Variants in SYNE1 observed in about 807,000 individuals in gnomAD.
SYNE1 encodes the protein spectrin repeat containing nuclear envelope protein 1.
A neutral mutation model predicts 1,111.0 loss-of-function variants in SYNE1; 616 were observed. The ratio of observed to expected loss-of-function variants is 0.55; its 90% confidence interval spans 0.52 to 0.59. SYNE1 has a LOEUF of 0.59. Among genes scored for constraint, SYNE1 ranks in the 20% least tolerant of loss-of-function variants. SYNE1 has a pLI of 0.00. For synonymous variants in SYNE1, 3,855 were observed against 3,825.8 expected (o/e 1.01, Z -0.28); for missense variants, 10,006 against 10,417.0 (o/e 0.96, Z 1.72).
At chr6:152,283,133 G>A (rs1431303523) in intron 96 of SYNE1, among the ~76,000 whole-genome samples, 1 of 152,036 alleles carries the variant, frequency 6.6e-6, no homozygotes, top group African/African-American at 2.4e-5. Context: ...GAATTTACGA[G>A]AGAACAAATA....
chr6:152,291,014 T>G (rs1184354636), intron 95 of SYNE1, among the ~76,000 whole-genome samples: 1 of 150,072 alleles, frequency 6.7e-6, no homozygotes, highest in Non-Finnish European at 1.5e-5. Flanking sequence ...TCTACATTAT[T>G]GCTATTTTCT....
Position 152,331,183 on chromosome 6 carries a change from G to T in SYNE1, c.13502C>A (p.Ala4501Asp). Residue 4501 changes from alanine (A) to aspartate (D), a missense_variant, in exon 78 of 146, where the codon GCC becomes GAC. Around this residue, in one of 7 missense-constraint regions of SYNE1, gnomAD observed 4,955 missense variants for 5,017.2 expected, o/e 0.99. Transcript: ENST00000367255. ...KQVKTCKSAQASLKTYQNEVT... is the reference protein window; with the variant it reads ...KQVKTCKSAQDSLKTYQNEVT... ...TTCATTTTGGTAAGTCTTGAGGCTG[G>T]CTTGTGCACTCTTACATGTTTTGAC... 1.2e-6 allele frequency: 2 copies of T among 1,613,948 alleles called. No homozygotes were observed. Among genetic ancestry groups the T allele is most frequent in the Admixed American group, 3.3e-5 (2 of 60,020 alleles).
rs868574291 is a variant in SYNE1 at position 152,451,282 on chromosome 6, A to C, written c.3028-77T>G. On this transcript the variant is annotated intron_variant, in intron 25 of 145. Coordinates refer to ENST00000367255, the MANE Select transcript of SYNE1 (RefSeq NM_182961.4). ...ACATTCCCAATTGAAGTGGCAAAAA[A>C]AAAAACAAAAACCATAACATATTCC... 17 of 1,491,364 alleles carry C rather than the reference A, an allele frequency of 1.1e-5. No individual in the cohort carries two copies. The Admixed American group carries it at 1.7e-4, about 15-fold the overall frequency. The allele number at this position is 1,491,364 out of a possible 1,614,324, so 92.4% of individuals were successfully genotyped here.
rs148997223 is a variant in SYNE1, at chr6:152,164,240, C to G, written c.23713G>C (p.Glu7905Gln). Reference sequence around the variant, plus strand: ...ACTATTGGCTTGGCCAGCTCTGACTCGATGTGAGCGAGCCAGGTCCTCAGG... The same window carrying G: ...ACTATTGGCTTGGCCAGCTCTGACTGGATGTGAGCGAGCCAGGTCCTCAGG... ...SSLRTWLAHI[E>Q]SELAKPIVYD... The change falls in exon 131 of 146, where the codon GAG becomes CAG. Residue 7905 changes from glutamate (E) to glutamine (Q), a missense_variant. Around this residue, in one of 7 missense-constraint regions of SYNE1, gnomAD observed 2,182 missense variants for 2,287.8 expected, o/e 0.95. Transcript: ENST00000367255. 5.0e-6 allele frequency: 8 copies of G among 1,614,142 alleles called. No individual in the cohort carries two copies. The highest frequency in any genetic ancestry group is 1.3e-5 in the African/African-American group (1 of 75,036).
At chr6:152,594,606 A>C (rs1252410742) in intron 3 of SYNE1, among the ~76,000 whole-genome samples, 1 of 152,230 alleles carries the variant, frequency 6.6e-6, no homozygotes, top group Admixed American at 6.5e-5. Flanking sequence ...TAAATTACAG[A>C]ATTGTGTCCC....
At chr6:152,593,022 C>T (rs2128538233) in intron 3 of SYNE1, among the ~76,000 whole-genome samples, 1 of 152,248 alleles carries the variant, frequency 6.6e-6, no homozygotes, top group South Asian at 2.1e-4. Context: ...ATTTATCTTT[C>T]TTAAATGTAT....
intron 131 of SYNE1, among the ~76,000 whole-genome samples, chr6:152,163,953 A>G (rs2063069438): frequency 6.6e-6 from 1 of 152,126 alleles, no homozygotes; most frequent in African/African-American, 2.4e-5. Context: ...GTACAATGGC[A>G]CAACCATCTT....
At chr6:152,124,542 T>A (rs926187557) in intron 145 of SYNE1, among the ~76,000 whole-genome samples, 1 of 152,172 alleles carries the variant, frequency 6.6e-6, no homozygotes, top group Non-Finnish European at 1.5e-5. Context: ...TCTTCTAACT[T>A]TAAAGTTTAC....
chr6:152,124,471 C>G (rs1186818061), intron 145 of SYNE1, among the ~76,000 whole-genome samples: 1 of 152,190 alleles, frequency 6.6e-6, no homozygotes, highest in Non-Finnish European at 1.5e-5. Flanking sequence ...TAACCTTGAA[C>G]AACTCACTTC....
At chr6:152,331,946 T>C (rs1469710911) in intron 77 of SYNE1, 56 bp from the exon 78 acceptor site, 1 of 1,598,484 alleles carries the variant, frequency 6.3e-7, no homozygotes, top group Non-Finnish European at 8.5e-7. Context: ...TATCGATGTT[T>C]GTTCATACTA....
chr6:152,393,627 C>T (rs2097682923), intron 51 of SYNE1, among the ~76,000 whole-genome samples: 1 of 151,860 alleles, frequency 6.6e-6, no homozygotes, highest in Admixed American at 6.6e-5. Flanking sequence ...AGTAAGGGCT[C>T]ATAGAGATGT....
chr6:152,385,492 A>AT (rs1563588398), intron 55 of SYNE1, among the ~76,000 whole-genome samples, 182 bp downstream of exon 55: 1 of 152,236 alleles, frequency 6.6e-6, no homozygotes, highest in Non-Finnish European at 1.5e-5. Flanking sequence ...CATTGTGCTC[A>AT]TAAGTGTAAA....
chr6:152,387,478 T>C (rs2097541569), intron 53 of SYNE1, 97 bp from the exon 54 acceptor site: 6 of 1,224,482 alleles, frequency 4.9e-6, no homozygotes, highest in Non-Finnish European at 7.1e-6. Context: ...ATTGTTTTAT[T>C]GAATGCTACT....
chr6:152,352,366 G>A lies in SYNE1; in HGVS notation c.11254-13C>T. ...CTTTGAGCAAAACCTGAAAAAGAGA[G>A]TGAGTAGGAGCAAAGGTAGTCTTGT... On this transcript the variant is annotated splice_polypyrimidine_tract_variant and intron_variant, in intron 69 of 145. Transcript: ENST00000367255. 1.2e-6 allele frequency: 2 copies of A among 1,612,908 alleles called. No individual in the cohort carries two copies. Among genetic ancestry groups the A allele is most frequent in the Non-Finnish European group, 1.7e-6 (2 of 1,179,378 alleles).
In SYNE1 at chr6:152,377,640, AATATATAT is replaced by A. The variant is rs1369932106; in HGVS notation, c.9010-736_9010-729del. ...AAAAAAAAAAAAAAAAAAAAAAAAA[AATATATAT>A]ATATATATATATATATATATATATC... On this transcript the variant is annotated intron_variant, in intron 56 of 145. Transcript: ENST00000367255. Among the ~76,000 whole-genome samples, 214 of 33,860 alleles carry A rather than the reference AATATATAT, an allele frequency of 6.3e-3. 1 individual carries two copies. Among genetic ancestry groups the A allele is most frequent in the African/African-American group, 0.029 (196 of 6,656 alleles). The allele number at this position is 33,860 out of a possible 152,430, so 22.2% of individuals were successfully genotyped here.
At chr6:152,325,465 T>A (rs930667160) in intron 80 of SYNE1, among the ~76,000 whole-genome samples, 163 bp from the exon 81 acceptor site, 3 of 152,240 alleles carry the variant, frequency 2.0e-5, no homozygotes, top group Admixed American at 6.5e-5. Context: ...GTTTATTTTT[T>A]AACCAGAGTG....
chr6:152,435,473 A>C (rs2098465282), intron 33 of SYNE1: 1 of 156,000 alleles, frequency 6.4e-6, no homozygotes, highest in African/African-American at 2.4e-5. Flanking sequence ...GGATAACTTG[A>C]ATACCGAGGC....
chr6:152,296,442 C>T (rs1190971371), intron 93 of SYNE1, among the ~76,000 whole-genome samples: 1 of 152,182 alleles, frequency 6.6e-6, no homozygotes, highest in Non-Finnish European at 1.5e-5. Context: ...AAGTATTATC[C>T]ATCTTGCAAT....
chr6:152,386,530 A>G (rs199813058), intron 54 of SYNE1, among the ~76,000 whole-genome samples: 1 of 152,214 alleles, frequency 6.6e-6, no homozygotes, highest in East Asian at 1.9e-4. Flanking sequence ...CTTAATTTCT[A>G]TAATATTTAC....
Sources: gnomAD v4.1 joint callset for allele counts (sites outside exome capture counted in the v4.1 genomes callset) on GRCh38, gnomAD v4.1.1 for gene constraint, gnomAD v4.1.1 regional missense constraint, MANE v1.5 for transcripts, NCBI Gene and HGNC (gene_info 2026-07-23, HGNC 2026-07-21) for gene names.